Variants in EPHB1 observed in about 807,000 individuals in gnomAD.
EPHB1 encodes EPH receptor B1.
In EPHB1, 30 loss-of-function variants were observed where a neutral mutation model predicts 94.4. That is an observed-to-expected ratio of 0.32 (90% CI 0.24 to 0.43). The LOEUF is 0.43. Among genes scored for constraint, EPHB1 ranks in the 20% least tolerant of loss-of-function variants. The pLI is 1.00. For synonymous variants in EPHB1, 522 were observed against 489.1 expected, an observed-to-expected ratio of 1.07 and a Z score of -0.89; for missense variants, 1,055 against 1,308.3, an observed-to-expected ratio of 0.81 and a Z score of 2.99.
chr3:135,010,558 G>GTTTTTTTTTTTTT (rs58579496), intron 3 of EPHB1, among the ~76,000 whole-genome samples: 5 of 110,394 alleles, frequency 4.5e-5, no homozygotes, highest in East Asian at 2.7e-4. Context: ...ATTTTTTTCT[G>GTTTTTTTTTTTTT]TTTTTTTTTT....
At chr3:135,038,352 T>C (rs1225490230) in intron 3 of EPHB1, among the ~76,000 whole-genome samples, 1 of 152,232 alleles carries the variant, frequency 6.6e-6, no homozygotes, top group Non-Finnish European at 1.5e-5. Flanking sequence ...GTCTTGCCTT[T>C]AACAGCATGT....
At chr3:135,040,620 G>A (rs556486091) in intron 3 of EPHB1, among the ~76,000 whole-genome samples, 39 of 152,238 alleles carry the variant, frequency 2.6e-4, no homozygotes, top group Non-Finnish European at 4.0e-4. Flanking sequence ...ACACATCAAA[G>A]GGAAGGAGAA....
chr3:135,230,623 C>T (rs1943511801), intron 12 of EPHB1, among the ~76,000 whole-genome samples: 1 of 152,110 alleles, frequency 6.6e-6, no homozygotes, highest in East Asian at 1.9e-4. Flanking sequence ...ACTTTAGATA[C>T]ACGAGGTACA....
chr3:135,184,914 A>T (rs1942291186), intron 10 of EPHB1, among the ~76,000 whole-genome samples: 1 of 152,214 alleles, frequency 6.6e-6, no homozygotes, highest in Admixed American at 6.5e-5. Flanking sequence ...TTTGATCAGT[A>T]GACTTGCCCA....
At chr3:134,962,213 T>A (rs1933545326) in intron 3 of EPHB1, among the ~76,000 whole-genome samples, 1 of 152,214 alleles carries the variant, frequency 6.6e-6, no homozygotes, top group Non-Finnish European at 1.5e-5. Flanking sequence ...TGTTACCATT[T>A]GCATTTGACT....
At chr3:135,114,455 A>G (rs1310818631) in intron 4 of EPHB1, among the ~76,000 whole-genome samples, 1 of 142,004 alleles carries the variant, frequency 7.0e-6, no homozygotes, top group African/African-American at 2.7e-5. Flanking sequence ...TAATCCCAGC[A>G]CTTTGGGAGG....
At chr3:134,880,050 G>A (rs1285333752) in intron 1 of EPHB1, among the ~76,000 whole-genome samples, 1 of 152,194 alleles carries the variant, frequency 6.6e-6, no homozygotes, top group African/African-American at 2.4e-5. Context: ...CCCTGATGCT[G>A]CACTTTCCTC....
chr3:135,039,651 C>A lies in EPHB1; in HGVS notation c.806-66797C>A, dbSNP rs112194546. Among the ~76,000 whole-genome samples the A allele has an allele frequency of 5.5e-3, 845 of 152,322 alleles. 8 individuals are homozygous for A. Among genetic ancestry groups the A allele is most frequent in the African/African-American group, 0.019 (777 of 41,574 alleles). The stretch of plus-strand genomic sequence containing the variant: ...GGCACTGCTGGTGGACTCAGTACAC[C>A]CTCCGCAGCCACTGGCCCGGCTGCT... On this transcript the variant is annotated intron_variant, in intron 3 of 15. Coordinates refer to ENST00000398015, the MANE Select transcript of EPHB1 (RefSeq NM_004441.5).
chr3:134,811,282 A>G (rs1195106542), intron 1 of EPHB1, among the ~76,000 whole-genome samples: 1 of 81,840 alleles, frequency 1.2e-5, no homozygotes, highest in Non-Finnish European at 2.8e-5. Context: ...CTCTGTCCCC[A>G]GGCTGGAGTG....
intron 3 of EPHB1, among the ~76,000 whole-genome samples, chr3:135,079,959 G>A (rs1456984853): frequency 2.0e-5 from 3 of 152,132 alleles, no homozygotes; most frequent in African/African-American, 7.2e-5. Context: ...ACTTAGGAGT[G>A]CCCCTGGCTG....
chr3:134,964,859 G>A (rs775728937), intron 3 of EPHB1, among the ~76,000 whole-genome samples: 38 of 152,308 alleles, frequency 2.5e-4, no homozygotes, highest in Non-Finnish European at 4.7e-4. Context: ...GAATTTTAAT[G>A]AGTGAATGGC....
intron 9 of EPHB1, among the ~76,000 whole-genome samples, chr3:135,172,878 A>C (rs2107702074): frequency 6.6e-6 from 1 of 152,144 alleles, no homozygotes; most frequent in South Asian, 2.1e-4. Context: ...AACCGTGTTA[A>C]CTCTTTTGGT....
chr3:135,218,901 C>T (rs148369449), intron 12 of EPHB1, among the ~76,000 whole-genome samples: 25 of 152,280 alleles, frequency 1.6e-4, no homozygotes, highest in African/African-American at 5.1e-4. Context: ...AGCCCAAGGA[C>T]GAAAAGGGGT....
Position 135,124,501 on chromosome 3 carries a change from C to T in EPHB1, c.962-8213C>T, listed in dbSNP as rs145874904. ...AAATTACAGCTGCCAATAGAGAAGC[C>T]ATCCTAAGTGACTGGCACTGTTCTA... On this transcript the variant is annotated intron_variant, in intron 4 of 15. Coordinates refer to ENST00000398015, the MANE Select transcript of EPHB1 (RefSeq NM_004441.5). 3.3e-3 allele frequency among the ~76,000 whole-genome samples: 507 copies of T among 151,844 alleles called. 18 individuals carry two copies. The highest frequency in any genetic ancestry group is 0.011 in the African/African-American group (472 of 41,108).
At chr3:134,812,059 G>C (rs1367547869) in intron 1 of EPHB1, among the ~76,000 whole-genome samples, 1 of 152,216 alleles carries the variant, frequency 6.6e-6, no homozygotes, top group Non-Finnish European at 1.5e-5. Context: ...CCTACTCGCT[G>C]AATGTCTGCC....
intron 1 of EPHB1, among the ~76,000 whole-genome samples, chr3:134,912,806 G>C (rs572370937): frequency 4.3e-4 from 65 of 152,310 alleles, no homozygotes; most frequent in African/African-American, 1.5e-3. Context: ...GAGGTCTTGG[G>C]GTCCCCAGCC....
chr3:134,837,830 TGAG>T lies in EPHB1; in HGVS notation c.58+42145_58+42147del, dbSNP rs1240812347. Among the ~76,000 whole-genome samples the T allele has an allele frequency of 5.3e-5, 8 of 152,168 alleles. No individual in the cohort carries two copies. The East Asian group carries it at 1.4e-3, about 26-fold the overall frequency. On this transcript the variant is annotated intron_variant, in intron 1 of 15. Transcript: ENST00000398015. ...ATGCAAGGAAAATTTAAAAAGAAGG[TGAG>T]GAGAATGAGTGGCCTCATTCATGCA...
At chr3:134,972,064 G>A (rs1183937240) in intron 3 of EPHB1, among the ~76,000 whole-genome samples, 2 of 152,102 alleles carry the variant, frequency 1.3e-5, no homozygotes, top group African/African-American at 4.8e-5. Context: ...TCTTCCTTAA[G>A]TGAAGGTCCT....
intron 1 of EPHB1, among the ~76,000 whole-genome samples, chr3:134,814,729 T>A (rs1383919795): frequency 6.6e-6 from 1 of 152,244 alleles, no homozygotes; most frequent in Non-Finnish European, 1.5e-5. Context: ...GGGAAGGCTC[T>A]GCATCTTGTT....
Sources: gnomAD v4.1 joint callset for allele counts (sites outside exome capture counted in the v4.1 genomes callset) on GRCh38, gnomAD v4.1.1 for gene constraint, MANE v1.5 for transcripts, NCBI Gene and HGNC (gene_info 2026-07-23, HGNC 2026-07-21) for gene names.